DNAAF11: variants seen among roughly 807,000 people sequenced by gnomAD.
The protein encoded by DNAAF11 is dynein axonemal assembly factor 11.
Under a neutral mutation model 60.8 loss-of-function variants are expected in DNAAF11, and 45 were observed. That is an observed-to-expected ratio of 0.74 (90% CI 0.58 to 0.95). The LOEUF (loss-of-function observed/expected upper bound fraction) is 0.95, where lower values mean the gene tolerates loss of function less well. Ranked by LOEUF, DNAAF11 falls within the 40% of genes least tolerant of loss-of-function variation. The pLI is 0.00. For missense variants in DNAAF11, 546 were observed against 546.2 expected, an observed-to-expected ratio of 1.00 and a Z score of 0.00; for synonymous variants, 191 against 183.5, an observed-to-expected ratio of 1.04 and a Z score of -0.33.
intron 6 of DNAAF11, among the ~76,000 whole-genome samples, chr8:132,624,867 T>C (rs900925110): frequency 1.3e-5 from 2 of 152,156 alleles, no homozygotes; most frequent in African/African-American, 2.4e-5. Context: ...GAAAATAAAA[T>C]GTCTAATGAA....
intron 11 of DNAAF11, among the ~76,000 whole-genome samples, chr8:132,574,086 C>A (rs1449954039): frequency 6.6e-6 from 1 of 152,184 alleles, no homozygotes; most frequent in African/African-American, 2.4e-5. Context: ...CCTGAGCACA[C>A]CTTCCTCTCA....
intron 5 of DNAAF11, among the ~76,000 whole-genome samples, chr8:132,631,783 C>T (rs1231636130): frequency 6.6e-6 from 1 of 151,920 alleles, no homozygotes; most frequent in Non-Finnish European, 1.5e-5. Context: ...CCAAACACCG[C>T]ATGTTCTCAC....
chr8:132,652,008 G>A (rs918394976), intron 3 of DNAAF11, among the ~76,000 whole-genome samples: 12 of 152,204 alleles, frequency 7.9e-5, no homozygotes, highest in African/African-American at 2.9e-4. Flanking sequence ...GTAGATTTAT[G>A]TAATTGTTAT....
chr8:132,600,104 TCACAAG>T (rs1467691932), intron 10 of DNAAF11, among the ~76,000 whole-genome samples: 1 of 152,108 alleles, frequency 6.6e-6, no homozygotes, highest in African/African-American at 2.4e-5. Flanking sequence ...TGTGCAAAAA[TCACAAG>T]CATTCCTATA....
rs79869774 is a variant in DNAAF11 at position 132,667,614 on chromosome 8, G to A, written c.11-5987C>T. ...AAATATAAGATGCAGATGGTTGAGT[G>A]CTAACCAATATCTGTCTGACTGGAG... is the stretch of plus-strand genomic sequence containing the variant. On this transcript the variant is annotated intron_variant, in intron 1 of 11. Transcript: ENST00000620350. 4.1e-3 allele frequency among the ~76,000 whole-genome samples: 626 copies of A among 152,320 alleles called. 9 individuals carry two copies. The highest frequency in any genetic ancestry group is 0.014 in the African/African-American group (590 of 41,574).
In DNAAF11 at chr8:132,571,445, T is replaced by C. The variant is rs1418282961; in HGVS notation, c.*861A>G. Among the ~76,000 whole-genome samples, 3 of 151,612 alleles carry C rather than the reference T, an allele frequency of 2.0e-5. No homozygotes were observed. Among genetic ancestry groups the C allele is most frequent in the Non-Finnish European group, 4.4e-5 (3 of 67,982 alleles). ...TGTTCTAGATAAAGAAGAGGTAGGA[T>C]ATTAAAAAAGTAAAGAAGGAAATAG... On this transcript the variant is annotated 3_prime_UTR_variant, in exon 12 of 12. Coordinates refer to ENST00000620350, the MANE Select transcript of DNAAF11 (RefSeq NM_012472.6).
chr8:132,597,457 C>T (rs971314547), intron 10 of DNAAF11, among the ~76,000 whole-genome samples: 6 of 152,196 alleles, frequency 3.9e-5, no homozygotes, highest in Non-Finnish European at 7.3e-5. Context: ...ATCTGACTTA[C>T]CTTCTGAGCA....
At chr8:132,684,753 C>T in the DNAAF11 span, among the ~76,000 whole-genome samples, 1 of 152,242 alleles carries the variant, frequency 6.6e-6, no homozygotes, top group South Asian at 2.1e-4. Flanking sequence ...TTCCATAATT[C>T]ATGTGAGCTC....
At chr8:132,689,817 A>G in the DNAAF11 span, among the ~76,000 whole-genome samples, 8 of 152,054 alleles carry the variant, frequency 5.3e-5, no homozygotes, top group Non-Finnish European at 1.2e-4. Context: ...TTATTCAAGC[A>G]ATCCTTTGCC....
chr8:132,622,929 A>G (rs1168527393), intron 6 of DNAAF11: 1 of 358,768 alleles, frequency 2.8e-6, no homozygotes. Flanking sequence ...AAAAATGACC[A>G]AGACAATTTG....
At chr8:132,621,549 A>G (rs866921163) in intron 7 of DNAAF11, among the ~76,000 whole-genome samples, 1 of 152,132 alleles carries the variant, frequency 6.6e-6, no homozygotes, top group East Asian at 1.9e-4. Context: ...CCAGAGACAC[A>G]TGGAGTTCCG....
At chr8:132,602,884 T>C (rs901173124) in intron 10 of DNAAF11, among the ~76,000 whole-genome samples, 1 of 152,042 alleles carries the variant, frequency 6.6e-6, no homozygotes, top group African/African-American at 2.4e-5. Context: ...GTGTTACTTA[T>C]CCAAGACAAC....
the DNAAF11 span, among the ~76,000 whole-genome samples, chr8:132,684,170 A>C: frequency 5.3e-5 from 8 of 152,238 alleles, no homozygotes; most frequent in Non-Finnish European, 8.8e-5. Context: ...CTGCAGTTTC[A>C]GGGGTTTTGA....
At chr8:132,609,367 T>C (rs1818428126) in intron 10 of DNAAF11, among the ~76,000 whole-genome samples, 1 of 150,418 alleles carries the variant, frequency 6.6e-6, no homozygotes, top group Non-Finnish European at 1.5e-5. Context: ...AAAAAAAGCC[T>C]GTACATGTTC....
the DNAAF11 span, among the ~76,000 whole-genome samples, chr8:132,691,036 G>A: frequency 1.3e-5 from 2 of 150,818 alleles, no homozygotes; most frequent in Non-Finnish European, 2.9e-5. Context: ...TATATTCTTT[G>A]GAAGAAAGTC....
At chr8:132,601,761 G>C (rs1187062862) in intron 10 of DNAAF11, among the ~76,000 whole-genome samples, 1 of 151,998 alleles carries the variant, frequency 6.6e-6, no homozygotes, top group Admixed American at 6.6e-5. Flanking sequence ...ATCACATACC[G>C]GGGCCTGTCA....
chr8:132,669,383 A>T (rs1463540536), intron 1 of DNAAF11, among the ~76,000 whole-genome samples: 1 of 152,240 alleles, frequency 6.6e-6, no homozygotes, highest in Non-Finnish European at 1.5e-5. Context: ...CAGTTATGCA[A>T]TTGTAAAGAC....
At chr8:132,696,042 T>C in the DNAAF11 span, among the ~76,000 whole-genome samples, 108 of 152,278 alleles carry the variant, frequency 7.1e-4, 1 homozygote, top group East Asian at 0.014. Context: ...ATGTTCGATA[T>C]TGATGGCATG....
At chr8:132,690,574 A>T in the DNAAF11 span, among the ~76,000 whole-genome samples, 1 of 152,206 alleles carries the variant, frequency 6.6e-6, no homozygotes, top group Non-Finnish European at 1.5e-5. Context: ...CAAATAATCA[A>T]TGTTGATACA....
Sources: allele counts gnomAD v4.1 joint callset (sites outside exome capture counted in the v4.1 genomes callset), GRCh38; gene constraint gnomAD v4.1.1; transcripts MANE v1.5; gene names NCBI Gene and HGNC (gene_info 2026-07-23, HGNC 2026-07-21).